Variants in RANBP2 observed in about 807,000 individuals in gnomAD.
RANBP2 encodes the protein E3 SUMO-protein ligase RanBP2.
RANBP2 carries 57 observed loss-of-function variants against 303.6 expected under a neutral mutation model. The observed-to-expected ratio is 0.19, with a 90% CI of 0.15 to 0.23. The LOEUF (loss-of-function observed/expected upper bound fraction) is 0.23, where lower values mean the gene tolerates loss of function less well. Among genes scored for constraint, RANBP2 ranks in the 10% least tolerant of loss-of-function variants. The pLI, the probability that RANBP2 is intolerant of heterozygous loss-of-function variation, is 1.00. For synonymous variants in RANBP2, 1,167 were observed against 1,301.5 expected (o/e 0.90, Z 2.23); for missense variants, 3,138 against 3,780.8 (o/e 0.83, Z 4.46).
In RANBP2 at chr2:108,754,958, A is replaced by G. The variant is rs1328621992; in HGVS notation, c.2256A>G (p.Glu752=). 6.2e-7 allele frequency: 1 copy of G among 1,611,840 alleles called. No homozygotes were observed. The highest frequency in any genetic ancestry group is 8.5e-7 in the Non-Finnish European group (1 of 1,179,802). Residue 752 remains glutamate, a synonymous_variant, in exon 16 of 29, where the codon GAA becomes GAG. Transcript: ENST00000283195. ...AGATGCTTAATTCAGTCATGCAGGA[A>G]CTCGAAGACTATAGTGAAGGAGGTC... is the stretch of plus-strand genomic sequence containing the variant. ...VKEMLNSVMQ[E]LEDYSEGGPL... is the part of the protein sequence containing the mutation.
Position 108,748,859 on chromosome 2 carries a change from A to G in RANBP2, c.1064-61A>G, listed in dbSNP as rs886898523. ...CCCCTTTGGGTATACAAATGAGACAACGTGAGCAAATACAATCTGTAATTT... is the reference window on the plus strand; with the variant it reads ...CCCCTTTGGGTATACAAATGAGACAGCGTGAGCAAATACAATCTGTAATTT... On this transcript the variant is annotated intron_variant, in intron 8 of 28. Transcript: ENST00000283195. 9 of 1,611,660 alleles carry G rather than the reference A, an allele frequency of 5.6e-6. No individual in the cohort carries two copies. In the African/African-American group the frequency reaches 8.0e-5, roughly 14 times the overall value.
At chr2:109,421,705 G>A in the RANBP2 span, among the ~76,000 whole-genome samples, 1 of 152,164 alleles carries the variant, frequency 6.6e-6, no homozygotes. Context: ...TGGGTAAGAG[G>A]GAAGGGAAAC....
the RANBP2 span, among the ~76,000 whole-genome samples, chr2:109,163,494 G>A: frequency 7.1e-6 from 1 of 140,330 alleles, no homozygotes; most frequent in Admixed American, 7.5e-5. Context: ...CGCCTCCCGG[G>A]TTCACGCCAT....
At chr2:109,599,869 T>G in the RANBP2 span, among the ~76,000 whole-genome samples, 2 of 152,218 alleles carry the variant, frequency 1.3e-5, no homozygotes, top group Non-Finnish European at 2.9e-5. Flanking sequence ...ATTTCTAATT[T>G]GTGCTGTTTC....
At chr2:109,658,319 C>T in the RANBP2 span, among the ~76,000 whole-genome samples, 1 of 143,652 alleles carries the variant, frequency 7.0e-6, no homozygotes, top group South Asian at 2.2e-4. Flanking sequence ...TGGTGGCAGG[C>T]ACCTGTAATC....
the RANBP2 span, among the ~76,000 whole-genome samples, chr2:109,063,811 A>C: frequency 2.0e-5 from 3 of 152,146 alleles, no homozygotes; most frequent in Middle Eastern, 3.2e-3. Flanking sequence ...AAAAAAAAAA[A>C]ACAAAAAAAC....
chr2:109,177,785 ATAT>A, the RANBP2 span, among the ~76,000 whole-genome samples: 1 of 152,226 alleles, frequency 6.6e-6, no homozygotes, highest in Admixed American at 6.5e-5. Flanking sequence ...GATGTAAGAA[ATAT>A]TAAAGCCTAT....
chr2:109,702,971 G>C, the RANBP2 span, among the ~76,000 whole-genome samples: 1 of 151,894 alleles, frequency 6.6e-6, no homozygotes, highest in African/African-American at 2.4e-5. Context: ...CCTCATAATA[G>C]CATGATAATT....
chr2:109,586,126 T>G, the RANBP2 span, among the ~76,000 whole-genome samples: 1 of 152,226 alleles, frequency 6.6e-6, no homozygotes, highest in Non-Finnish European at 1.5e-5. Context: ...TATGGCATAT[T>G]CACTTACAAA....
the RANBP2 span, chr2:109,613,580 C>G: frequency 1.1e-5 from 3 of 269,498 alleles, no homozygotes; most frequent in African/African-American, 6.7e-5. Flanking sequence ...CGCCGCGCCC[C>G]GCGAACCGGG....
At chr2:109,319,044 G>A in the RANBP2 span, among the ~76,000 whole-genome samples, 1 of 152,166 alleles carries the variant, frequency 6.6e-6, no homozygotes, top group African/African-American at 2.4e-5. Flanking sequence ...GCTCTCCATC[G>A]ATCCTGGTGT....
chr2:109,585,371 A>G, the RANBP2 span: 2 of 1,427,676 alleles, frequency 1.4e-6, no homozygotes, highest in Non-Finnish European at 1.9e-6. Context: ...GGCTGAAAAG[A>G]AATACAACTG....
chr2:108,746,131 A>G (rs910493998), intron 7 of RANBP2, among the ~76,000 whole-genome samples: 3 of 146,254 alleles, frequency 2.1e-5, no homozygotes, highest in Non-Finnish European at 4.5e-5. Flanking sequence ...CTGTTCTTGA[A>G]CTCTGGGCTC....
At chr2:109,054,422 G>A in the RANBP2 span, among the ~76,000 whole-genome samples, 1 of 152,158 alleles carries the variant, frequency 6.6e-6, no homozygotes, top group South Asian at 2.1e-4. Context: ...AGTTTGGTGA[G>A]TTGGCTGGGC....
the RANBP2 span, among the ~76,000 whole-genome samples, chr2:109,740,400 T>C: frequency 1.3e-5 from 2 of 152,120 alleles, no homozygotes; most frequent in African/African-American, 4.8e-5. Flanking sequence ...AACACCCCTC[T>C]CAGAAATGAA....
the RANBP2 span, among the ~76,000 whole-genome samples, chr2:109,373,415 C>A: frequency 6.6e-6 from 1 of 152,198 alleles, no homozygotes; most frequent in Admixed American, 6.5e-5. Context: ...AAGTGTCCAT[C>A]AACAGTGGGA....
At chr2:109,715,895 A>T in the RANBP2 span, among the ~76,000 whole-genome samples, 14 of 152,206 alleles carry the variant, frequency 9.2e-5, no homozygotes, top group Admixed American at 5.9e-4. Flanking sequence ...TAATCACAAG[A>T]TAAATATGTC....
chr2:109,405,506 C>T, the RANBP2 span, among the ~76,000 whole-genome samples: 7 of 152,124 alleles, frequency 4.6e-5, no homozygotes, highest in Admixed American at 1.3e-4. Context: ...GCGCACCACG[C>T]TGCTCTGGCC....
the RANBP2 span, among the ~76,000 whole-genome samples, chr2:109,321,725 G>A: frequency 1.6e-3 from 243 of 152,352 alleles, no homozygotes; most frequent in African/African-American, 5.4e-3. Context: ...TGCAACTCAA[G>A]TATAGACAGA....
Sources: allele counts gnomAD v4.1 joint callset (sites outside exome capture counted in the v4.1 genomes callset), GRCh38; gene constraint gnomAD v4.1.1; transcripts MANE v1.5; gene names NCBI Gene and HGNC (gene_info 2026-07-23, HGNC 2026-07-21).